The following RGMA variants were observed in gnomAD, a reference collection of about 807,000 sequenced individuals.
RGMA encodes repulsive guidance molecule A.
In RGMA, 10 loss-of-function variants were observed where a neutral mutation model predicts 23.2. The ratio of observed to expected loss-of-function variants is 0.43; its 90% CI spans 0.27 to 0.73. The LOEUF is 0.73. RGMA is among the 30% of genes least tolerant of loss of function. The pLI, the probability that RGMA is intolerant of heterozygous loss-of-function variation, is 0.20. For missense variants in RGMA, 547 were observed against 630.5 expected (o/e 0.87, Z 1.42); for synonymous variants, 308 against 279.3 (o/e 1.10, Z -1.03).
At chr15:93,064,650 C>T (rs576969740) in intron 2 of RGMA, among the ~76,000 whole-genome samples, 19 of 152,316 alleles carry the variant, frequency 1.2e-4, no homozygotes, top group African/African-American at 4.6e-4. Context: ...GACCTAGGTG[C>T]GGAGGCATCA....
chr15:93,058,042 A>C (rs2055041823), intron 2 of RGMA, among the ~76,000 whole-genome samples: 1 of 152,168 alleles, frequency 6.6e-6, no homozygotes, highest in Non-Finnish European at 1.5e-5. Flanking sequence ...TTCTGGGAGA[A>C]GATGCGGTGA....
intron 2 of RGMA, among the ~76,000 whole-genome samples, chr15:93,055,427 T>C (rs1420488756): frequency 6.6e-6 from 1 of 152,062 alleles, no homozygotes; most frequent in Non-Finnish European, 1.5e-5. Context: ...CCTCCCCTCA[T>C]TGCATCTTCC....
At chr15:93,077,260 A>T (rs1195922007) in intron 1 of RGMA, among the ~76,000 whole-genome samples, 1 of 152,186 alleles carries the variant, frequency 6.6e-6, no homozygotes, top group Non-Finnish European at 1.5e-5. Flanking sequence ...CTTTTGGGAG[A>T]CCACTGTGGG....
intron 1 of RGMA, among the ~76,000 whole-genome samples, chr15:93,079,100 T>G (rs1035143151): frequency 4.6e-5 from 7 of 152,256 alleles, no homozygotes; most frequent in Admixed American, 4.6e-4. Flanking sequence ...GAGCTTTCTC[T>G]TCTTCAGATA....
chr15:93,056,871 G>A (rs1290530592), intron 2 of RGMA, among the ~76,000 whole-genome samples: 1 of 152,196 alleles, frequency 6.6e-6, no homozygotes, highest in African/African-American at 2.4e-5. Context: ...AGCCCCAGGG[G>A]CATCCAACAA....
rs141549360 is a variant in RGMA, at chr15:93,048,501, C to T, written c.646-2796G>A. Among the ~76,000 whole-genome samples the T allele has an allele frequency of 4.8e-3, 727 of 152,218 alleles. 8 individuals carry two copies. The highest frequency in any genetic ancestry group is 0.017 in the African/African-American group (686 of 41,520). ...GCAGCAGCACCAGGAGGACCCCAAGCGCACAGTTCCTTGAGGACCGGACTC... is the reference window on the plus strand; with the variant it reads ...GCAGCAGCACCAGGAGGACCCCAAGTGCACAGTTCCTTGAGGACCGGACTC... On this transcript the variant is annotated intron_variant, in intron 3 of 3. Coordinates refer to ENST00000329082, the MANE Select transcript of RGMA (RefSeq NM_020211.3).
intron 1 of RGMA, chr15:93,073,724 G>C (rs1003524570): frequency 3.3e-6 from 5 of 1,537,116 alleles, no homozygotes; most frequent in Non-Finnish European, 4.4e-6. Context: ...CGCACCTCGA[G>C]GTTCCCGCCC....
chr15:93,048,734 T>A (rs1449947663), intron 3 of RGMA, among the ~76,000 whole-genome samples: 1 of 152,070 alleles, frequency 6.6e-6, no homozygotes, highest in African/African-American at 2.4e-5. Context: ...GCCTCCTACT[T>A]CTTCCTTCTT....
chr15:93,075,806 G>A (rs1009093376), intron 1 of RGMA, among the ~76,000 whole-genome samples: 1 of 152,106 alleles, frequency 6.6e-6, no homozygotes, highest in African/African-American at 2.4e-5. Flanking sequence ...TTTGGGAAAG[G>A]GGCACAAAAG....
At chr15:93,061,161 T>G (rs966874419) in intron 2 of RGMA, among the ~76,000 whole-genome samples, 2 of 152,110 alleles carry the variant, frequency 1.3e-5, no homozygotes, top group Admixed American at 6.5e-5. Context: ...TATCAGGAGA[T>G]TTACTTATTT....
intron 2 of RGMA, chr15:93,065,752 T>C: frequency 4.2e-6 from 5 of 1,192,400 alleles, no homozygotes; most frequent in Non-Finnish European, 6.1e-6. Context: ...GTGGCTGGGC[T>C]TGGTCTCACC....
intron 2 of RGMA, among the ~76,000 whole-genome samples, chr15:93,069,889 T>C (rs1264977910): frequency 6.6e-6 from 1 of 152,224 alleles, no homozygotes; most frequent in Non-Finnish European, 1.5e-5. Flanking sequence ...TTGGAACTCT[T>C]TTCGAAAAAG....
intron 2 of RGMA, among the ~76,000 whole-genome samples, chr15:93,055,708 C>T (rs191454923): frequency 4.6e-5 from 7 of 152,354 alleles, no homozygotes; most frequent in Admixed American, 2.0e-4. Flanking sequence ...TCCACACACG[C>T]TTTCTCCCTG....
chr15:93,044,915 G>T lies in RGMA; in HGVS notation c.*83C>A, dbSNP rs1439113671. On this transcript the variant is annotated 3_prime_UTR_variant, in exon 4 of 4. Transcript: ENST00000329082. ...CGGGGCCATGGTGGACACGCCAGGAGATCTGCACCCCGTGGGCGGTCCCAG... is the reference window on the plus strand; with the variant it reads ...CGGGGCCATGGTGGACACGCCAGGATATCTGCACCCCGTGGGCGGTCCCAG... 6 of 1,197,062 alleles carry T rather than the reference G, an allele frequency of 5.0e-6. No homozygotes were observed. Among genetic ancestry groups the T allele is most frequent in the Non-Finnish European group, 7.0e-6 (6 of 856,110 alleles). 74.2% of individuals were successfully genotyped at this position (1,197,062 alleles called of 1,614,324 possible).
intron 3 of RGMA, among the ~76,000 whole-genome samples, chr15:93,047,146 C>G (rs72767208): frequency 0.051 from 7,729 of 152,232 alleles, 290 homozygotes; most frequent in Middle Eastern, 0.13. Context: ...GCCACAAGCC[C>G]ATAGGGTGGG....
rs377027948 is a variant in RGMA at position 93,045,005 on chromosome 15, A to G, written c.1346T>C (p.Phe449Ser). The G allele has an allele frequency of 6.3e-7, 1 of 1,598,868 alleles. No homozygotes were observed. Among genetic ancestry groups the G allele is most frequent in the Non-Finnish European group, 8.5e-7 (1 of 1,173,312 alleles). ...CCCTCCACATCTACGCGTCTAGCAGAACACAGGGAGCAGGGCCAGGAGCGG... is the reference window on the plus strand; with the variant it reads ...CCCTCCACATCTACGCGTCTAGCAGGACACAGGGAGCAGGGCCAGGAGCGG... ...LVPLLALLPV[F>S]C The change falls in exon 4 of 4, where the codon TTC becomes TCC. Residue 449 changes from phenylalanine to serine, a missense_variant. By Grantham distance (155) the Phe-to-Ser change is radical. Transcript: ENST00000329082. This position sits in a 1 kb window ranked among gnomAD's most constrained non-coding sequence, Gnocchi z 6.9.
At chr15:93,072,895 G>C (rs755745717) in intron 2 of RGMA, 21 bp downstream of exon 2, 1 of 1,584,546 alleles carries the variant, frequency 6.3e-7, no homozygotes, top group Admixed American at 1.8e-5. Flanking sequence ...GGCCCCGCGC[G>C]CCCGGCCGGC....
At chr15:93,068,492 G>T (rs61445681) in intron 2 of RGMA, among the ~76,000 whole-genome samples, 1 of 152,122 alleles carries the variant, frequency 6.6e-6, no homozygotes, top group Admixed American at 6.5e-5. Flanking sequence ...TCCTCTGAGC[G>T]CTGGAGTGAC....
Position 93,045,478 on chromosome 15 carries a change from G to T in RGMA, c.873C>A (p.Thr291=). ...IVVRQVGRYL[T]FAVRMPEEVV... is the part of the protein sequence containing the mutation. ...CTTCCTCTGGCATGCGGACGGCAAA[G>T]GTCAGGTAGCGGCCCACCTGGCGCA... The change falls in exon 4 of 4, where the codon ACC becomes ACA. Residue 291 remains threonine, a synonymous_variant. Transcript: ENST00000329082. This position sits in a 1 kb window ranked among gnomAD's most constrained non-coding sequence, Gnocchi z 6.9. The T allele has an allele frequency of 6.2e-7, 1 of 1,613,280 alleles. No homozygotes were observed. The highest frequency in any genetic ancestry group is 8.5e-7 in the Non-Finnish European group (1 of 1,179,838).
Sources: allele counts gnomAD v4.1 joint callset (sites outside exome capture counted in the v4.1 genomes callset), GRCh38; gene constraint gnomAD v4.1.1; non-coding constraint Gnocchi (gnomAD v3.1); transcripts MANE v1.5; gene names NCBI Gene and HGNC (gene_info 2026-07-23, HGNC 2026-07-21).